Variants in ARHGAP26 observed in about 807,000 individuals in gnomAD.
The protein encoded by ARHGAP26 is rho GTPase-activating protein 26.
A neutral mutation model predicts 104.8 loss-of-function variants in ARHGAP26; 38 were observed. That is an observed-to-expected ratio of 0.36 (90% CI 0.28 to 0.48). The LOEUF is 0.48. ARHGAP26 is among the 20% of genes least tolerant of loss of function. The pLI is 0.99. For missense variants in ARHGAP26, 704 were observed against 947.9 expected (o/e 0.74, Z 3.38); for synonymous variants, 341 against 340.0 (o/e 1.00, Z -0.03).
intron 11 of ARHGAP26, among the ~76,000 whole-genome samples, chr5:143,013,545 C>T (rs1462854404): frequency 2.0e-5 from 3 of 152,104 alleles, no homozygotes; most frequent in Non-Finnish European, 4.4e-5. Flanking sequence ...TAACAGTTCC[C>T]ACTCCCCGGT....
At chr5:142,972,513 T>C (rs1772436740) in intron 11 of ARHGAP26, among the ~76,000 whole-genome samples, 1 of 152,208 alleles carries the variant, frequency 6.6e-6, no homozygotes, top group Non-Finnish European at 1.5e-5. Context: ...CTTTGTATTG[T>C]ATTCCTTATT....
chr5:142,965,279 G>C (rs1481371526), intron 11 of ARHGAP26, among the ~76,000 whole-genome samples: 3 of 152,214 alleles, frequency 2.0e-5, no homozygotes, highest in African/African-American at 7.2e-5. Flanking sequence ...AAGCCTGACT[G>C]ATGTCAGGCC....
chr5:142,971,583 C>A lies in ARHGAP26; in HGVS notation c.1107+39458C>A, dbSNP rs373003372. Among the ~76,000 whole-genome samples the A allele has an allele frequency of 2.0e-5, 3 of 152,222 alleles. No individual in the cohort carries two copies. The South Asian group carries it at 6.2e-4, about 32-fold the overall frequency. On this transcript the variant is annotated intron_variant, in intron 11 of 22. Transcript: ENST00000645722. Reference sequence around the variant, plus strand: ...AGTGCTAGACTACTCTTTTCTGTACCTGCTGATTTTTTTTTAGAAACGGAG... The same window carrying A: ...AGTGCTAGACTACTCTTTTCTGTACATGCTGATTTTTTTTTAGAAACGGAG...
chr5:143,034,073 A>G (rs1782271821), intron 12 of ARHGAP26, among the ~76,000 whole-genome samples: 1 of 152,346 alleles, frequency 6.6e-6, no homozygotes, highest in African/African-American at 2.4e-5. Context: ...ACCCACTAGG[A>G]TGGCTATAAT....
intron 4 of ARHGAP26, among the ~76,000 whole-genome samples, chr5:142,884,203 G>T (rs1311402406): frequency 6.6e-6 from 1 of 152,204 alleles, no homozygotes; most frequent in Non-Finnish European, 1.5e-5. Context: ...CAGACTGCCT[G>T]TGACAATCTG....
intron 11 of ARHGAP26, among the ~76,000 whole-genome samples, chr5:143,004,743 C>T (rs1452048950): frequency 6.6e-6 from 1 of 152,170 alleles, no homozygotes; most frequent in Non-Finnish European, 1.5e-5. Flanking sequence ...TTCTCTTCTC[C>T]AACCAACACT....
rs748600392 is a variant in ARHGAP26, at chr5:143,222,448, C to A, written c.*2C>A. The A allele has an allele frequency of 6.3e-6, 10 of 1,589,128 alleles. No individual in the cohort carries two copies. The highest frequency in any genetic ancestry group is 7.7e-6 in the Non-Finnish European group (9 of 1,162,618). ...GAGAATTACGTGGAGTTCCTCTAAC[C>A]GTGGGCCCCAGCAGAACTGCTGAGC... On this transcript the variant is annotated 3_prime_UTR_variant, in exon 23 of 23. Coordinates refer to ENST00000645722, the MANE Select transcript of ARHGAP26 (RefSeq NM_001135608.3).
Position 142,770,813 on chromosome 5 carries a change from T to C in ARHGAP26, c.52T>C (p.Phe18Leu). ...FSDCCLDSPH[F>L]RETLKSHEAE... is the part of the protein sequence containing the mutation. ...CGACTGCTGCCTCGATAGTCCGCAC[T>C]TCCGAGAGACGCTCAAGTCGCACGA... The change falls in exon 1 of 23, where the codon TTC (phenylalanine) becomes CTC (leucine). Residue 18 changes from phenylalanine (F) to leucine (L), a missense_variant. By Grantham distance (22) the Phe-to-Leu change is conservative (BLOSUM62 0). Transcript: ENST00000645722. 6.2e-7 allele frequency: 1 copy of C among 1,606,546 alleles called. No individual in the cohort carries two copies. Among genetic ancestry groups the C allele is most frequent in the Non-Finnish European group, 8.5e-7 (1 of 1,176,478 alleles).
At chr5:143,164,020 ACTTTAT>A (rs746603719) in intron 20 of ARHGAP26, among the ~76,000 whole-genome samples, 4 of 150,766 alleles carry the variant, frequency 2.7e-5, no homozygotes, top group African/African-American at 4.9e-5. Context: ...GCAACAAGAG[ACTTTAT>A]CTTTAGGTTG....
chr5:142,818,696 G>T (rs1292576196), intron 1 of ARHGAP26, among the ~76,000 whole-genome samples: 2 of 152,108 alleles, frequency 1.3e-5, no homozygotes, highest in Non-Finnish European at 2.9e-5. Flanking sequence ...AAAACAAAAT[G>T]AGGTAACAAT....
chr5:143,179,748 C>T (rs1040162455), intron 20 of ARHGAP26, among the ~76,000 whole-genome samples: 2 of 152,178 alleles, frequency 1.3e-5, no homozygotes, highest in African/African-American at 4.8e-5. Context: ...GGTAATTCCA[C>T]ACTTCATTTG....
intron 1 of ARHGAP26, among the ~76,000 whole-genome samples, chr5:142,774,885 G>A (rs2151809341): frequency 6.6e-6 from 1 of 152,076 alleles, no homozygotes; most frequent in South Asian, 2.1e-4. Flanking sequence ...TGTACTGAAG[G>A]TTCTTTCATG....
At chr5:142,948,184 A>G (rs1767454857) in intron 11 of ARHGAP26, among the ~76,000 whole-genome samples, 1 of 152,092 alleles carries the variant, frequency 6.6e-6, no homozygotes, top group Non-Finnish European at 1.5e-5. Context: ...AATTTTTAGT[A>G]TATGGCAGAA....
rs527384095 is a variant in ARHGAP26 at position 142,877,125 on chromosome 5, A to G, written c.312+1954A>G. 1.6e-3 allele frequency among the ~76,000 whole-genome samples: 239 copies of G among 152,298 alleles called. 3 individuals carry two copies. Among genetic ancestry groups the G allele is most frequent in the African/African-American group, 5.3e-3 (220 of 41,552 alleles). On this transcript the variant is annotated intron_variant, in intron 3 of 22. Coordinates refer to ENST00000645722, the MANE Select transcript of ARHGAP26 (RefSeq NM_001135608.3). ...GGTAAGGGAACAATGACTGGATTAT[A>G]CTTTTCAGCTTGCCTCTGCAATTTT...
chr5:143,192,825 C>CT (rs965809964), intron 20 of ARHGAP26, among the ~76,000 whole-genome samples: 14 of 151,466 alleles, frequency 9.2e-5, no homozygotes, highest in Non-Finnish European at 1.5e-4. Context: ...CTTCTTCCCT[C>CT]TTTTTTTTTC....
chr5:143,166,121 G>A (rs1801908316), intron 20 of ARHGAP26: 1 of 1,298,200 alleles, frequency 7.7e-7, no homozygotes, highest in Non-Finnish European at 1.0e-6. Flanking sequence ...CTGCCCTCTG[G>A]GTTCCAGTCA....
chr5:143,191,382 A>C (rs995786537), intron 20 of ARHGAP26, among the ~76,000 whole-genome samples: 1 of 152,218 alleles, frequency 6.6e-6, no homozygotes, highest in Non-Finnish European at 1.5e-5. Context: ...GGCTCTTCCA[A>C]ATAATTAAGT....
intron 11 of ARHGAP26, among the ~76,000 whole-genome samples, chr5:142,965,376 A>G (rs796491133): frequency 2.2e-4 from 33 of 152,254 alleles, no homozygotes; most frequent in African/African-American, 7.5e-4. Flanking sequence ...AGTAGCGGGT[A>G]TTGTTCCTTG....
chr5:143,146,044 A>T (rs1468628623), intron 19 of ARHGAP26, among the ~76,000 whole-genome samples: 1 of 152,200 alleles, frequency 6.6e-6, no homozygotes, highest in Admixed American at 6.5e-5. Flanking sequence ...TCTGAGGGAT[A>T]TATTGTAACA....
Sources: gnomAD v4.1 joint callset for allele counts (sites outside exome capture counted in the v4.1 genomes callset) on GRCh38, gnomAD v4.1.1 for gene constraint, MANE v1.5 for transcripts, NCBI Gene and HGNC (gene_info 2026-07-23, HGNC 2026-07-21) for gene names.